Variants in CLINT1 observed in about 807,000 individuals in gnomAD.
The protein encoded by CLINT1 is clathrin interacting protein localized in the trans-Golgi region.
In CLINT1, 15 loss-of-function variants were observed where a neutral mutation model predicts 70.4. That is an observed-to-expected ratio of 0.21 (90% CI 0.14 to 0.33). CLINT1 has a LOEUF of 0.33. Among genes scored for constraint, CLINT1 ranks in the 10% least tolerant of loss-of-function variants. The pLI, the probability that CLINT1 is intolerant of heterozygous loss-of-function variation, is 1.00. For synonymous variants in CLINT1, 227 were observed against 254.7 expected, an observed-to-expected ratio of 0.89 and a Z score of 1.04; for missense variants, 615 against 778.1, an observed-to-expected ratio of 0.79 and a Z score of 2.49.
intron 11 of CLINT1, 110 bp downstream of exon 11, chr5:157,789,253 A>T: frequency 1.1e-6 from 1 of 934,264 alleles, no homozygotes; most frequent in Non-Finnish European, 1.7e-6. Context: ...GCATTTGGTT[A>T]ACTGTTACAA....
rs1339363137 is a variant in CLINT1 at position 157,785,908 on chromosome 5, A to C, written c.*1738T>G. ...CTGGCTTGATTGCTCTGAAGTAACA[A>C]CACTTGAAAGCTCCTATTCTTTGAA... On this transcript the variant is annotated 3_prime_UTR_variant, in exon 12 of 12. Transcript: ENST00000411809. 2 of 152,214 alleles carry C rather than the reference A, an allele frequency of 1.3e-5. No individual in the cohort carries two copies. Among genetic ancestry groups the C allele is most frequent in the East Asian group, 3.8e-4 (2 of 5,202 alleles). The allele number at this position is 152,214 out of a possible 1,614,324, so 9.4% of individuals were successfully genotyped here. A position where few individuals can be genotyped will look rare whatever the true frequency, so the allele number is the denominator to read the frequency against.
At chr5:157,835,663 G>A (rs773790639) in intron 1 of CLINT1, among the ~76,000 whole-genome samples, 2 of 152,094 alleles carry the variant, frequency 1.3e-5, no homozygotes, top group Non-Finnish European at 2.9e-5. Flanking sequence ...TGGAAAGGAA[G>A]AAAGGGGAGC....
At chr5:157,835,435 C>A (rs563815039) in intron 1 of CLINT1, among the ~76,000 whole-genome samples, 63 of 152,264 alleles carry the variant, frequency 4.1e-4, no homozygotes, top group Non-Finnish European at 7.9e-4. Flanking sequence ...AAGGAACCTA[C>A]CCCTGTGTTT....
At chr5:157,822,002 T>C (rs1762891526) in intron 1 of CLINT1, among the ~76,000 whole-genome samples, 1 of 152,236 alleles carries the variant, frequency 6.6e-6, no homozygotes, top group South Asian at 2.1e-4. Context: ...AGATCTTTAG[T>C]GCCAACTGCG....
At chr5:157,832,129 A>G (rs1171890339) in intron 1 of CLINT1, among the ~76,000 whole-genome samples, 1 of 152,110 alleles carries the variant, frequency 6.6e-6, no homozygotes, top group East Asian at 1.9e-4. Flanking sequence ...CTGGGGTTAC[A>G]GGCACGTGCT....
intron 1 of CLINT1, among the ~76,000 whole-genome samples, chr5:157,824,308 G>C (rs1038362673): frequency 1.3e-5 from 2 of 152,130 alleles, no homozygotes; most frequent in Non-Finnish European, 2.9e-5. Flanking sequence ...TTAATATCAA[G>C]TTATATTTCA....
rs116072531 is a variant in CLINT1 at position 157,820,346 on chromosome 5, C to T, written c.42-2799G>A. Among the ~76,000 whole-genome samples the T allele has an allele frequency of 5.2e-3, 788 of 152,156 alleles. 9 individuals are homozygous for T. Among genetic ancestry groups the T allele is most frequent in the African/African-American group, 0.017 (718 of 41,508 alleles). On this transcript the variant is annotated intron_variant, in intron 1 of 11. Transcript: ENST00000411809. ...TACCTGTGGTCCCAGCTTCTCAGGA[C>T]GCTGAGGTGGGAGGACTGCATAAGC...
At chr5:157,792,563 T>A (rs1465761471) in intron 9 of CLINT1, among the ~76,000 whole-genome samples, 4 of 151,892 alleles carry the variant, frequency 2.6e-5, no homozygotes, top group African/African-American at 7.3e-5. Context: ...AAATGAAGAA[T>A]TTCTCACTTA....
Position 157,805,236 on chromosome 5 carries a change from C to T in CLINT1, c.942+630G>A, listed in dbSNP as rs1423981190. Reference sequence around the variant, plus strand: ...AGACACAAACTGGGGAAACAGTAGTCGGGGAAAGTGACAAAAACAATAATT... The same window carrying T: ...AGACACAAACTGGGGAAACAGTAGTTGGGGAAAGTGACAAAAACAATAATT... On this transcript the variant is annotated intron_variant, in intron 7 of 11. Transcript: ENST00000411809. Among the ~76,000 whole-genome samples the T allele has an allele frequency of 3.3e-5, 5 of 152,116 alleles. No individual in the cohort carries two copies. The South Asian group carries it at 6.2e-4, about 19-fold the overall frequency.
chr5:157,796,458 T>C (rs1170353234), intron 8 of CLINT1, among the ~76,000 whole-genome samples: 1 of 152,216 alleles, frequency 6.6e-6, no homozygotes, highest in Non-Finnish European at 1.5e-5. Context: ...CTTAAAGATT[T>C]CACCTCTTAA....
chr5:157,827,367 T>C (rs1040409780), intron 1 of CLINT1, among the ~76,000 whole-genome samples: 2 of 152,164 alleles, frequency 1.3e-5, no homozygotes, highest in South Asian at 2.1e-4. Context: ...TAAATGTTTA[T>C]AGTCCAACAT....
At chr5:157,802,787 C>A (rs1292461438) in intron 8 of CLINT1, among the ~76,000 whole-genome samples, 1 of 152,124 alleles carries the variant, frequency 6.6e-6, no homozygotes, top group African/African-American at 2.4e-5. Flanking sequence ...CTCAGGTGAT[C>A]CACCTCCCTC....
chr5:157,855,692 T>C (rs1339511499), intron 1 of CLINT1, among the ~76,000 whole-genome samples: 1 of 152,174 alleles, frequency 6.6e-6, no homozygotes, highest in Non-Finnish European at 1.5e-5. Context: ...ATTATCACTT[T>C]GAGTAGCTGA....
At chr5:157,824,836 G>A (rs1762987075) in intron 1 of CLINT1, among the ~76,000 whole-genome samples, 1 of 152,078 alleles carries the variant, frequency 6.6e-6, no homozygotes, top group African/African-American at 2.4e-5. Context: ...ATGTCACACT[G>A]TACTAAAATC....
chr5:157,799,681 C>T (rs1174037754), intron 8 of CLINT1, among the ~76,000 whole-genome samples: 2 of 152,016 alleles, frequency 1.3e-5, no homozygotes, highest in Non-Finnish European at 2.9e-5. Flanking sequence ...TTCTAATTGG[C>T]TTATTTTCTA....
intron 9 of CLINT1, among the ~76,000 whole-genome samples, chr5:157,792,884 C>A (rs529209808): frequency 6.6e-6 from 1 of 152,118 alleles, no homozygotes; most frequent in Admixed American, 6.5e-5. Flanking sequence ...ACATAAAAAC[C>A]GTCATCTGAA....
chr5:157,858,963 T>C lies in CLINT1; in HGVS notation c.8A>G (p.Asn3Ser). The C allele has an allele frequency of 6.5e-7, 1 of 1,541,570 alleles. No homozygotes were observed. The highest frequency in any genetic ancestry group is 1.4e-5 in the African/African-American group (1 of 71,694). Residue 3 changes from asparagine (N) to serine (S), a missense_variant, in exon 1 of 12, where the codon AAC (asparagine) becomes AGC (serine). Asn to Ser is a conservative substitution (Grantham distance 46). Transcript: ENST00000411809. ...CACCAGCTCGCGCACCTTCCACATG[T>C]TCAACATCGTGCCCCGCGCGGGACG... ML[N>S]MWKVRELVDK...
rs964411275 is a variant in CLINT1 at position 157,786,050 on chromosome 5, C to T, written c.*1596G>A. On this transcript the variant is annotated 3_prime_UTR_variant, in exon 12 of 12. Transcript: ENST00000411809. ...TTTTCATTACCACTTAGCTGAAGTA[C>T]ATGAATTTCTGCCTAATTAGAAATG... is the stretch of plus-strand genomic sequence containing the variant. The T allele has an allele frequency of 2.0e-5, 3 of 152,152 alleles. No individual in the cohort carries two copies. Among genetic ancestry groups the T allele is most frequent in the Non-Finnish European group, 4.4e-5 (3 of 68,020 alleles). The allele number at this position is 152,152 out of a possible 1,614,324, so 9.4% of individuals were successfully genotyped here. A position where few individuals can be genotyped will look rare whatever the true frequency, so the allele number is the denominator to read the frequency against.
intron 1 of CLINT1, among the ~76,000 whole-genome samples, chr5:157,819,950 A>AC (rs1762830609): frequency 6.6e-6 from 1 of 152,216 alleles, no homozygotes; most frequent in African/African-American, 2.4e-5. Context: ...TCTTAGCTGA[A>AC]GGCCTGTGTG....
Sources: allele counts gnomAD v4.1 joint callset (sites outside exome capture counted in the v4.1 genomes callset), GRCh38; gene constraint gnomAD v4.1.1; transcripts MANE v1.5; gene names NCBI Gene and HGNC (gene_info 2026-07-23, HGNC 2026-07-21).